KCNJ3: variants seen among roughly 807,000 people sequenced by gnomAD.
KCNJ3 encodes the protein potassium inwardly rectifying channel subfamily J member 3.
KCNJ3 carries 4 observed loss-of-function variants against 39.2 expected under a neutral mutation model. That is an observed-to-expected ratio of 0.10 (90% CI 0.05 to 0.23). KCNJ3 has a LOEUF of 0.23. Ranked by LOEUF, KCNJ3 falls within the 10% of genes least tolerant of loss-of-function variation. The pLI is 1.00. For synonymous variants in KCNJ3, 230 were observed against 237.4 expected, an observed-to-expected ratio of 0.97 and a Z score of 0.29; for missense variants, 276 against 634.9, an observed-to-expected ratio of 0.43 and a Z score of 6.08.
chr2:154,766,167 TA>T (rs1276983821), intron 2 of KCNJ3, among the ~76,000 whole-genome samples: 1 of 152,194 alleles, frequency 6.6e-6, no homozygotes, highest in Non-Finnish European at 1.5e-5. Flanking sequence ...CAAAAGGACG[TA>T]ATGAGCAAAA....
At chr2:154,818,918 CTTTTTTTTTTTTTT>C (rs57668487) in intron 2 of KCNJ3, among the ~76,000 whole-genome samples, 29 of 52,432 alleles carry the variant, frequency 5.5e-4, no homozygotes, top group African/African-American at 1.4e-3. Context: ...CTGCAAAAGC[CTTTTTTTTTTTTTT>C]TTTTTTTTTT....
rs13422572 is a variant in KCNJ3, at chr2:154,814,710, A to C, written c.920-40017A>C. On this transcript the variant is annotated intron_variant, in intron 2 of 2. Coordinates refer to ENST00000295101, the MANE Select transcript of KCNJ3 (RefSeq NM_002239.4). ...AGGGAGGAAATCTCTCAATATATAAAATTTACAAAAATCATTTTTACTCAC... is the reference window on the plus strand; with the variant it reads ...AGGGAGGAAATCTCTCAATATATAACATTTACAAAAATCATTTTTACTCAC... 8.3e-3 allele frequency among the ~76,000 whole-genome samples: 1,271 copies of C among 152,268 alleles called. 20 individuals are homozygous for C. Among genetic ancestry groups the C allele is most frequent in the African/African-American group, 0.029 (1,191 of 41,542 alleles).
intron 2 of KCNJ3, among the ~76,000 whole-genome samples, chr2:154,834,445 A>C (rs900740248): frequency 6.6e-6 from 1 of 152,166 alleles, no homozygotes; most frequent in Admixed American, 6.6e-5. Flanking sequence ...AAAATAAATC[A>C]GTTAGGCCGG....
At chr2:154,739,833 A>G (rs1334438857) in intron 2 of KCNJ3, among the ~76,000 whole-genome samples, 1 of 152,088 alleles carries the variant, frequency 6.6e-6, no homozygotes, top group Non-Finnish European at 1.5e-5. Context: ...ATATGTTTTG[A>G]CAAATGTGCC....
intron 2 of KCNJ3, among the ~76,000 whole-genome samples, chr2:154,790,736 C>T (rs1354188859): frequency 6.6e-6 from 1 of 151,904 alleles, no homozygotes; most frequent in Non-Finnish European, 1.5e-5. Flanking sequence ...ATTAGAATGT[C>T]TACATTTTCA....
At chr2:154,814,067 C>G (rs1687043201) in intron 2 of KCNJ3, among the ~76,000 whole-genome samples, 1 of 152,178 alleles carries the variant, frequency 6.6e-6, no homozygotes, top group Non-Finnish European at 1.5e-5. Context: ...CTAGTCTCAT[C>G]ACATTCTCTC....
At chr2:154,785,464 G>A (rs1451279379) in intron 2 of KCNJ3, among the ~76,000 whole-genome samples, 1 of 152,144 alleles carries the variant, frequency 6.6e-6, no homozygotes, top group East Asian at 1.9e-4. Flanking sequence ...ACAGTATGAA[G>A]AGGTGGGGCC....
rs10632638 is a variant in KCNJ3, at chr2:154,735,069, C to CTGTGTGTGTGTGTG, written c.919+25270_919+25283dup. ...TAGACTTTCCACTCCCCTTGTAGGC[C>CTGTGTGTGTGTGTG]TGTGTGTGTGTGTGTGTGTGTGTGT... On this transcript the variant is annotated intron_variant, in intron 2 of 2. Transcript: ENST00000295101. 9.2e-3 allele frequency among the ~76,000 whole-genome samples: 1,338 copies of CTGTGTGTGTGTGTG among 145,866 alleles called. 18 individuals carry two copies. Among genetic ancestry groups the CTGTGTGTGTGTGTG allele is most frequent in the South Asian group, 0.022 (100 of 4,470 alleles).
chr2:154,790,198 C>T (rs781055272), intron 2 of KCNJ3, among the ~76,000 whole-genome samples: 1 of 151,984 alleles, frequency 6.6e-6, no homozygotes, highest in African/African-American at 2.4e-5. Flanking sequence ...GATTATTCAA[C>T]GTAAAGCAGA....
intron 2 of KCNJ3, among the ~76,000 whole-genome samples, chr2:154,813,073 G>T (rs865951850): frequency 5.3e-5 from 8 of 152,224 alleles, no homozygotes; most frequent in East Asian, 1.9e-4. Flanking sequence ...ATTAACCCAG[G>T]TTACACAGCT....
intron 2 of KCNJ3, among the ~76,000 whole-genome samples, chr2:154,775,052 G>A (rs1686309082): frequency 6.6e-6 from 1 of 152,042 alleles, no homozygotes. Flanking sequence ...GAATAGTTGG[G>A]ACCACAGGCA....
At chr2:154,756,556 TTCCCC>T (rs1685940401) in intron 2 of KCNJ3, among the ~76,000 whole-genome samples, 1 of 150,378 alleles carries the variant, frequency 6.6e-6, no homozygotes, top group Non-Finnish European at 1.5e-5. Context: ...ATGTGTGATG[TTCCCC>T]TCCCTGTGTC....
intron 2 of KCNJ3, among the ~76,000 whole-genome samples, chr2:154,735,155 C>T (rs1685506692): frequency 6.6e-6 from 1 of 151,838 alleles, no homozygotes; most frequent in South Asian, 2.1e-4. Context: ...GGCGCGATCT[C>T]GGCTCACTGC....
At chr2:154,704,303 G>A (rs374895982) in intron 1 of KCNJ3, among the ~76,000 whole-genome samples, 2 of 152,052 alleles carry the variant, frequency 1.3e-5, no homozygotes, top group South Asian at 4.1e-4. Flanking sequence ...GCAGGAAAAA[G>A]CATTTAATAG....
At chr2:154,781,416 T>C (rs1473365841) in intron 2 of KCNJ3, among the ~76,000 whole-genome samples, 1 of 152,174 alleles carries the variant, frequency 6.6e-6, no homozygotes, top group East Asian at 1.9e-4. Context: ...AATAGATGAA[T>C]ACGAAATTAT....
At chr2:154,706,973 A>G (rs1436950380) in intron 1 of KCNJ3, among the ~76,000 whole-genome samples, 3 of 152,242 alleles carry the variant, frequency 2.0e-5, no homozygotes, top group African/African-American at 7.2e-5. Flanking sequence ...AGGAAAAAAA[A>G]TCAGGGAGGT....
chr2:154,698,737 C>T lies in KCNJ3; in HGVS notation c.-39C>T. On this transcript the variant is annotated 5_prime_UTR_variant, in exon 1 of 3. Transcript: ENST00000295101. Reference sequence around the variant, plus strand: ...AGTTTGCAGCGCCCAGCTCCTGCGCCTTCGCTTCGCGTTTGAATCTGGCTC... The same window carrying T: ...AGTTTGCAGCGCCCAGCTCCTGCGCTTTCGCTTCGCGTTTGAATCTGGCTC... 6.7e-7 allele frequency: 1 copy of T among 1,495,486 alleles called. No individual in the cohort carries two copies. Among genetic ancestry groups the T allele is most frequent in the Admixed American group, 1.8e-5 (1 of 56,224 alleles). 92.6% of individuals were successfully genotyped at this position (1,495,486 alleles called of 1,614,324 possible). A position where few individuals can be genotyped will look rare whatever the true frequency, so the allele number is the denominator to read the frequency against.
chr2:154,794,534 G>C (rs1172009773), intron 2 of KCNJ3, among the ~76,000 whole-genome samples: 1 of 151,986 alleles, frequency 6.6e-6, no homozygotes, highest in East Asian at 1.9e-4. Flanking sequence ...CAGTATGACT[G>C]AGTGGAGGAG....
intron 2 of KCNJ3, among the ~76,000 whole-genome samples, chr2:154,710,044 T>TA (rs912818699): frequency 4.5e-4 from 68 of 151,236 alleles, no homozygotes; most frequent in Non-Finnish European, 7.5e-4. Context: ...ACACTCACTG[T>TA]AAAAAAAAAG....
Sources: allele counts gnomAD v4.1 joint callset (sites outside exome capture counted in the v4.1 genomes callset), GRCh38; gene constraint gnomAD v4.1.1; transcripts MANE v1.5; gene names NCBI Gene and HGNC (gene_info 2026-07-23, HGNC 2026-07-21).